Variants in PTPRD observed in about 807,000 individuals in gnomAD.
The protein encoded by PTPRD is protein tyrosine phosphatase receptor type D, also known as receptor-type tyrosine-protein phosphatase delta.
PTPRD carries 34 observed loss-of-function variants against 214.5 expected under a neutral mutation model. The observed-to-expected ratio is 0.16, with a 90% confidence interval of 0.12 to 0.21. The LOEUF (loss-of-function observed/expected upper bound fraction) is 0.21. PTPRD is among the 10% of genes least tolerant of loss of function. The pLI is 1.00. For synonymous variants in PTPRD, 1,128 were observed against 845.7 expected, an observed-to-expected ratio of 1.33 and a Z score of -5.79; for missense variants, 2,545 against 2,398.7, an observed-to-expected ratio of 1.06 and a Z score of -1.27.
chr9:9,936,896 T>C (rs1185554097), intron 5 of PTPRD, among the ~76,000 whole-genome samples: 3 of 146,480 alleles, frequency 2.0e-5, no homozygotes, highest in Non-Finnish European at 4.5e-5. Context: ...TATGCAGCCA[T>C]AAAAAATGAT....
intron 14 of PTPRD, among the ~76,000 whole-genome samples, chr9:8,584,569 G>A (rs1272731704): frequency 6.6e-6 from 1 of 152,170 alleles, no homozygotes; most frequent in Non-Finnish European, 1.5e-5. Flanking sequence ...AATGCCAAGA[G>A]GAAATCTATC....
chr9:10,292,023 G>C (rs2095541490), intron 3 of PTPRD, among the ~76,000 whole-genome samples: 1 of 152,016 alleles, frequency 6.6e-6, no homozygotes. Flanking sequence ...AGTAGCCTTA[G>C]AGTAAGCTCT....
chr9:9,077,808 GA>G (rs2099753430), intron 10 of PTPRD, among the ~76,000 whole-genome samples: 1 of 151,996 alleles, frequency 6.6e-6, no homozygotes, highest in South Asian at 2.1e-4. Flanking sequence ...ATGTGAAAGG[GA>G]ATGACCCCAG....
intron 2 of PTPRD, among the ~76,000 whole-genome samples, chr9:10,384,578 T>C (rs1007749578): frequency 6.6e-6 from 1 of 151,798 alleles, no homozygotes; most frequent in African/African-American, 2.4e-5. Context: ...GCCCCAATCC[T>C]AGTCAACAGA....
chr9:8,604,260 A>C (rs2095063572), intron 14 of PTPRD, among the ~76,000 whole-genome samples: 2 of 152,220 alleles, frequency 1.3e-5, no homozygotes, highest in African/African-American at 4.8e-5. Flanking sequence ...AAAGTGCCAC[A>C]GTGGCACACA....
At chr9:9,521,006 T>C (rs1455468818) in intron 8 of PTPRD, among the ~76,000 whole-genome samples, 1 of 152,168 alleles carries the variant, frequency 6.6e-6, no homozygotes, top group Admixed American at 6.5e-5. Flanking sequence ...GGTACTGAAA[T>C]CACAGATGAT....
intron 8 of PTPRD, among the ~76,000 whole-genome samples, chr9:9,414,044 T>C (rs768369326): frequency 6.6e-6 from 1 of 152,238 alleles, no homozygotes; most frequent in Non-Finnish European, 1.5e-5. Flanking sequence ...CATAGCTCTA[T>C]TGAGAATTCA....
At chr9:9,325,231 A>C (rs1969307638) in intron 9 of PTPRD, among the ~76,000 whole-genome samples, 1 of 152,186 alleles carries the variant, frequency 6.6e-6, no homozygotes, top group Non-Finnish European at 1.5e-5. Flanking sequence ...CTGTGAAGAA[A>C]GTCCTTGGTA....
intron 7 of PTPRD, among the ~76,000 whole-genome samples, chr9:9,705,866 G>C (rs1308348159): frequency 6.6e-6 from 1 of 152,066 alleles, no homozygotes; most frequent in African/African-American, 2.4e-5. Flanking sequence ...GAAATTTATT[G>C]TGTTTTCTGG....
chr9:9,675,632 G>A (rs1315943439), intron 7 of PTPRD, among the ~76,000 whole-genome samples: 1 of 151,722 alleles, frequency 6.6e-6, no homozygotes, highest in East Asian at 1.9e-4. Context: ...GAAAACAGAT[G>A]AAAAAATAAA....
At chr9:9,171,976 G>C (rs1331926758) in intron 10 of PTPRD, among the ~76,000 whole-genome samples, 1 of 152,042 alleles carries the variant, frequency 6.6e-6, no homozygotes, top group African/African-American at 2.4e-5. Flanking sequence ...TATAGAGGGA[G>C]GGCCAAAACA....
At chr9:8,830,841 G>C (rs1247925542) in intron 11 of PTPRD, among the ~76,000 whole-genome samples, 1 of 152,064 alleles carries the variant, frequency 6.6e-6, no homozygotes, top group Non-Finnish European at 1.5e-5. Flanking sequence ...AACCCTACTA[G>C]AGTGTAAACT....
At chr9:10,134,810 A>C (rs572752139) in intron 3 of PTPRD, among the ~76,000 whole-genome samples, 1 of 152,290 alleles carries the variant, frequency 6.6e-6, no homozygotes, top group East Asian at 1.9e-4. Flanking sequence ...CAATTCAAAA[A>C]GTCAGCATCT....
At chr9:9,979,080 C>CA (rs949854353) in intron 4 of PTPRD, among the ~76,000 whole-genome samples, 12 of 151,796 alleles carry the variant, frequency 7.9e-5, no homozygotes, top group African/African-American at 2.7e-4. Flanking sequence ...AGTTTTCAGA[C>CA]AAAACTAAAG....
chr9:8,754,281 A>T (rs1282555758), intron 11 of PTPRD, among the ~76,000 whole-genome samples: 1 of 152,246 alleles, frequency 6.6e-6, no homozygotes, highest in African/African-American at 2.4e-5. Context: ...AAGAAAATGC[A>T]AAAACACAAG....
At chr9:9,629,980 C>CT (rs113984434) in intron 7 of PTPRD, among the ~76,000 whole-genome samples, 62 of 151,988 alleles carry the variant, frequency 4.1e-4, no homozygotes, top group Non-Finnish European at 6.9e-4. Flanking sequence ...AGCAGCCTCC[C>CT]TTTTTTTTCC....
At chr9:8,709,951 C>A (rs2098295055) in intron 12 of PTPRD, among the ~76,000 whole-genome samples, 1 of 152,282 alleles carries the variant, frequency 6.6e-6, no homozygotes. Context: ...GTATGAATCA[C>A]AGCTTATTAT....
At chr9:10,572,309 A>G (rs915234736) in intron 2 of PTPRD, among the ~76,000 whole-genome samples, 2 of 152,162 alleles carry the variant, frequency 1.3e-5, no homozygotes, top group Non-Finnish European at 2.9e-5. Flanking sequence ...GCTCTACTGT[A>G]GGACTCACAA....
chr9:8,555,960 ATCT>A (rs1229594946), intron 14 of PTPRD, among the ~76,000 whole-genome samples: 1 of 152,216 alleles, frequency 6.6e-6, no homozygotes, highest in Non-Finnish European at 1.5e-5. Flanking sequence ...CTGTGAAGAC[ATCT>A]TCATTTCTCT....
Sources: allele counts gnomAD v4.1 joint callset (sites outside exome capture counted in the v4.1 genomes callset), GRCh38; gene constraint gnomAD v4.1.1; transcripts MANE v1.5; gene names NCBI Gene and HGNC (gene_info 2026-07-23, HGNC 2026-07-21).